CMYA5: variants seen among roughly 807,000 people sequenced by gnomAD.
CMYA5 encodes the protein cardiomyopathy associated 5, also known as cardiomyopathy-associated protein 5.
In CMYA5, 246 loss-of-function variants were observed where a neutral mutation model predicts 318.9. That is an observed-to-expected ratio of 0.77 (90% CI 0.70 to 0.86). The LOEUF (loss-of-function observed/expected upper bound fraction) is 0.86, where lower values mean the gene tolerates loss of function less well. Ranked by LOEUF, CMYA5 falls within the 40% of genes least tolerant of loss-of-function variation. The probability of loss-of-function intolerance (pLI) is 0.00; values close to 1 mark genes in which losing one functional copy is unlikely to be tolerated. For synonymous variants in CMYA5, 1,641 were observed against 1,729.5 expected (o/e 0.95, Z 1.27); for missense variants, 4,589 against 4,678.2 (o/e 0.98, Z 0.56).
At chr5:79,790,929 CT>C in intron 10 of CMYA5, 40 bp from the exon 11 acceptor site, 1 of 1,391,502 alleles carries the variant, frequency 7.2e-7, no homozygotes, top group Non-Finnish European at 1.0e-6. Context: ...AGCACTGGTC[CT>C]TGTGGCAATG....
chr5:79,755,526 A>G (rs1156301206), intron 6 of CMYA5, among the ~76,000 whole-genome samples: 1 of 152,148 alleles, frequency 6.6e-6, no homozygotes, highest in African/African-American at 2.4e-5. Context: ...AACTCAAGTG[A>G]TCTGCCCTCC....
intron 12 of CMYA5, among the ~76,000 whole-genome samples, chr5:79,794,345 A>G (rs1349420559): frequency 6.6e-6 from 1 of 152,124 alleles, no homozygotes; most frequent in Non-Finnish European, 1.5e-5. Context: ...GTTCTATATT[A>G]CCTGTATTGT....
intron 9 of CMYA5, among the ~76,000 whole-genome samples, chr5:79,777,308 G>C (rs1580802350): frequency 6.6e-6 from 1 of 152,086 alleles, no homozygotes; most frequent in African/African-American, 2.4e-5. Context: ...AGCAATTACT[G>C]TTACCTGATT....
At chr5:79,758,946 C>A (rs377608281) in intron 7 of CMYA5, 44 bp downstream of exon 7, 12 of 1,448,758 alleles carry the variant, frequency 8.3e-6, no homozygotes, top group Admixed American at 4.2e-5. Flanking sequence ...CATATTCATG[C>A]ATCTTCATGT....
At position 79,733,662 on chromosome 5, in the gene CMYA5, G is replaced by A. The variant is rs772446961; in HGVS notation, c.4897G>A (p.Glu1633Lys). The A allele has an allele frequency of 6.2e-7, 1 of 1,613,862 alleles. No individual in the cohort carries two copies. The change falls in exon 2 of 13, where the codon GAA becomes AAA. Residue 1633 changes from glutamate to lysine, a missense_variant. By Grantham distance (56) the Glu-to-Lys change is moderately conservative. This residue lies in a region of CMYA5 where 2,132 missense variants were observed against 2,131.3 expected (regional missense o/e 1.00). Transcript: ENST00000446378. The part of the protein sequence containing the change: ...EKKDKPHQPL[E>K]LPNAGSEFSS... ...GAAAGACAAGCCACACCAACCGTTG[G>A]AATTACCAAATGCTGGGTCAGAATT...
rs34198193 is a variant in CMYA5, at chr5:79,726,909, A to ATTTTTTTTTTTTTTTTTTTTTTTTT, written c.150-1983_150-1982insTTTTTTTTTTTTTTTTTTTTTTTTT. ...AGAGCTAGGATTGTTTAGGCCAGTG[A>ATTTTTTTTTTTTTTTTTTTTTTTTT]TTTTTTTTTTTTTTTTTTTTTTTGA... On this transcript the variant is annotated intron_variant, in intron 1 of 12. Transcript: ENST00000446378. Among the ~76,000 whole-genome samples, 15 of 96,038 alleles carry ATTTTTTTTTTTTTTTTTTTTTTTTT rather than the reference A, an allele frequency of 1.6e-4. 2 individuals carry two copies. Among genetic ancestry groups the ATTTTTTTTTTTTTTTTTTTTTTTTT allele is most frequent in the East Asian group, 1.2e-3 (3 of 2,486 alleles). The allele number at this position is 96,038 out of a possible 152,430, so 63.0% of individuals were successfully genotyped here. A position where few individuals can be genotyped will look rare whatever the true frequency, so the allele number is the denominator to read the frequency against.
At chr5:79,774,638 C>T (rs1036264647) in intron 9 of CMYA5, among the ~76,000 whole-genome samples, 1 of 152,152 alleles carries the variant, frequency 6.6e-6, no homozygotes, top group African/African-American at 2.4e-5. Context: ...AGGCTATGGG[C>T]TGGGGAGACA....
In CMYA5 at chr5:79,733,675, C is replaced by G; in HGVS notation, c.4910C>G (p.Ala1637Gly). 1.2e-6 allele frequency: 2 copies of G among 1,613,874 alleles called. No homozygotes were observed. Among genetic ancestry groups the G allele is most frequent in the African/African-American group, 2.7e-5 (2 of 75,028 alleles). The change falls in exon 2 of 13, where the codon GCT (alanine) becomes GGT (glycine). Residue 1637 changes from alanine (A) to glycine (G), a missense_variant. Physicochemically the swap from Ala to Gly is moderately conservative, Grantham distance 60 (BLOSUM62 0). Transcript: ENST00000446378. ...CACCAACCGTTGGAATTACCAAATG[C>G]TGGGTCAGAATTTTCTAGTGATTTA... is the stretch of plus-strand genomic sequence containing the variant. ...KPHQPLELPN[A>G]GSEFSSDLGR...
chr5:79,697,292 C>G (rs1166615286), intron 1 of CMYA5, among the ~76,000 whole-genome samples: 2 of 152,166 alleles, frequency 1.3e-5, no homozygotes, highest in East Asian at 3.9e-4. Flanking sequence ...TTGCTCATTC[C>G]CCTGGGAGTT....
intron 9 of CMYA5, among the ~76,000 whole-genome samples, chr5:79,765,466 A>C (rs994059029): frequency 2.0e-5 from 3 of 152,206 alleles, no homozygotes; most frequent in Non-Finnish European, 4.4e-5. Flanking sequence ...TGTCTTGGCT[A>C]TGCAGGCTCT....
chr5:79,733,799 C>T lies in CMYA5; in HGVS notation c.5034C>T (p.Ser1678=), dbSNP rs747282353. ...AAAAAGGCCCAGCTGAGCTTAGGAG[C>T]AGAGAAGGAAAAGAAGAAAATAGAG... ...VLEKGPAELR[S]REGKEENREL... Residue 1678 remains serine, a synonymous_variant, in exon 2 of 13, where the codon AGC becomes AGT. Transcript: ENST00000446378. The T allele has an allele frequency of 1.9e-6, 3 of 1,613,646 alleles. No individual in the cohort carries two copies. The highest frequency in any genetic ancestry group is 4.5e-5 in the East Asian group (2 of 44,872).
intron 1 of CMYA5, among the ~76,000 whole-genome samples, chr5:79,725,864 C>T (rs1286303740): frequency 1.3e-5 from 2 of 151,976 alleles, no homozygotes; most frequent in Non-Finnish European, 2.9e-5. Context: ...AGACTGCAAC[C>T]CTGCACTCCA....
At chr5:79,700,071 T>C (rs1347407124) in intron 1 of CMYA5, among the ~76,000 whole-genome samples, 2 of 152,204 alleles carry the variant, frequency 1.3e-5, no homozygotes, top group African/African-American at 2.4e-5. Context: ...TACTTTACCT[T>C]AGAGAGAAAT....
intron 2 of CMYA5, among the ~76,000 whole-genome samples, chr5:79,742,811 T>G (rs1007099034): frequency 6.6e-6 from 1 of 151,582 alleles, no homozygotes. Flanking sequence ...CAATACAATG[T>G]TGCGAAAGCC....
rs189265263 is a variant in CMYA5 at position 79,737,844 on chromosome 5, A to G, written c.9079A>G (p.Thr3027Ala). Residue 3027 changes from threonine (T) to alanine (A), a missense_variant, in exon 2 of 13, where the codon ACA becomes GCA. By Grantham distance (58) the Thr-to-Ala change is moderately conservative (BLOSUM62 0). Transcript: ENST00000446378. ...KENKQKETHK[T>A]KEEISTDSET... ...AAATAAACAAAAGGAAACTCATAAGACAAAAGAAGAGATATCCACAGATTC... is the reference window on the plus strand; with the variant it reads ...AAATAAACAAAAGGAAACTCATAAGGCAAAAGAAGAGATATCCACAGATTC... 76 of 1,602,786 alleles carry G rather than the reference A, an allele frequency of 4.7e-5. 1 individual carries two copies. Among genetic ancestry groups the G allele is most frequent in the Non-Finnish European group, 3.2e-5 (38 of 1,177,184 alleles).
At position 79,763,218 on chromosome 5, in the gene CMYA5, C is replaced by T. The variant is rs766116527; in HGVS notation, c.11555+9C>T. The T allele has an allele frequency of 1.9e-5, 30 of 1,589,942 alleles. No individual in the cohort carries two copies. The East Asian group carries it at 4.8e-4, about 25-fold the overall frequency. ...GAGGGAGAGGGCCTCAGGTGAGGGG[C>T]CCTCTCCATGGGAGAGACTGCCCAG... On this transcript the variant is annotated intron_variant, in intron 9 of 12. Transcript: ENST00000446378.
Position 79,734,423 on chromosome 5 carries a change from T to C in CMYA5, c.5658T>C (p.Phe1886=). ...DVKETKMEEF[F]ISPKDENWML... ...AAGAAACAAAAATGGAAGAATTCTTTATTTCTCCAAAGGATGAAAACTGGA... is the reference window on the plus strand; with the variant it reads ...AAGAAACAAAAATGGAAGAATTCTTCATTTCTCCAAAGGATGAAAACTGGA... The change falls in exon 2 of 13, where the codon TTT becomes TTC. Residue 1886 remains phenylalanine (F), a synonymous_variant. Transcript: ENST00000446378. 1 of 1,613,746 alleles carries C rather than the reference T, an allele frequency of 6.2e-7. No homozygotes were observed.
chr5:79,759,327 C>G (rs1343254921), intron 7 of CMYA5, among the ~76,000 whole-genome samples: 1 of 152,214 alleles, frequency 6.6e-6, no homozygotes, highest in Non-Finnish European at 1.5e-5. Context: ...ACAGTGTGCT[C>G]CACAATGACC....
At position 79,737,733 on chromosome 5, in the gene CMYA5, C is replaced by G. The variant is rs765853809; in HGVS notation, c.8968C>G (p.Pro2990Ala). ...AGAGAAAGCCTCATTTAAAACCATA[C>G]CACTCCCTGATGATAGTGAAACAGT... ...LEEKASFKTI[P>A]LPDDSETVAC... Residue 2990 changes from proline to alanine, a missense_variant, in exon 2 of 13, where the codon CCA (proline) becomes GCA (alanine). By Grantham distance (27) the Pro-to-Ala change is conservative (BLOSUM62 -1). Around this residue, in one of 3 missense-constraint regions of CMYA5, gnomAD observed 2,431 missense variants for 2,495.1 expected, o/e 0.97. Coordinates refer to ENST00000446378, the MANE Select transcript of CMYA5 (RefSeq NM_153610.5). 6.2e-7 allele frequency: 1 copy of G among 1,611,974 alleles called. No homozygotes were observed. The highest frequency in any genetic ancestry group is 1.1e-5 in the South Asian group (1 of 90,364).
Sources: allele counts gnomAD v4.1 joint callset (sites outside exome capture counted in the v4.1 genomes callset), GRCh38; gene constraint gnomAD v4.1.1; regional missense constraint gnomAD v4.1.1; transcripts MANE v1.5; gene names NCBI Gene and HGNC (gene_info 2026-07-23, HGNC 2026-07-21).